Variants in MYO16 observed in about 807,000 individuals in gnomAD.
MYO16 encodes unconventional myosin-XVI.
MYO16 carries 94 observed loss-of-function variants against 205.3 expected under a neutral mutation model. The ratio of observed to expected loss-of-function variants is 0.46; its 90% CI spans 0.39 to 0.54. The LOEUF (loss-of-function observed/expected upper bound fraction) is 0.54, where lower values mean the gene tolerates loss of function less well. Ranked by LOEUF, MYO16 falls within the 20% of genes least tolerant of loss-of-function variation. MYO16 has a pLI of 0.00. For missense variants in MYO16, 2,315 were observed against 2,387.5 expected, an observed-to-expected ratio of 0.97 and a Z score of 0.63; for synonymous variants, 988 against 954.0, an observed-to-expected ratio of 1.04 and a Z score of -0.66.
chr13:108,629,939 C>G, intron 1 of MYO16, 67 bp downstream of exon 1: 1 of 1,407,676 alleles, frequency 7.1e-7, no homozygotes, highest in Non-Finnish European at 9.6e-7. Flanking sequence ...TGTGCAGATG[C>G]CAAAATTAAG....
chr13:108,575,388 T>A, the MYO16 span, among the ~76,000 whole-genome samples: 1 of 152,176 alleles, frequency 6.6e-6, no homozygotes. Context: ...GGTCTCAGTG[T>A]TGCAGACCTC....
intron 20 of MYO16, among the ~76,000 whole-genome samples, chr13:108,983,906 T>C (rs748777593): frequency 1.4e-4 from 21 of 152,186 alleles, no homozygotes; most frequent in Non-Finnish European, 3.1e-4. Flanking sequence ...CCCAACTACC[T>C]ATAGCACTCC....
At chr13:108,591,873 G>C (rs539964128), upstream of MYO16, among the ~76,000 whole-genome samples, 208 of 152,174 alleles carry the variant, frequency 1.4e-3, no homozygotes, top group Non-Finnish European at 2.3e-3. Flanking sequence ...AGAAAAGAAA[G>C]AGCTTACCCT....
intron 32 of MYO16, among the ~76,000 whole-genome samples, chr13:109,160,468 G>A (rs370467376): frequency 5.9e-5 from 9 of 152,216 alleles, no homozygotes; most frequent in African/African-American, 2.2e-4. Context: ...CACCGAGCCC[G>A]AGGTCACAGA....
At chr13:108,759,632 T>C (rs936867030) in intron 4 of MYO16, among the ~76,000 whole-genome samples, 3 of 151,952 alleles carry the variant, frequency 2.0e-5, no homozygotes, top group South Asian at 2.1e-4. Context: ...CCATCCTGGC[T>C]AACACGGTGA....
intron 15 of MYO16, among the ~76,000 whole-genome samples, chr13:108,898,361 T>A (rs1057424456): frequency 6.7e-6 from 1 of 150,260 alleles, no homozygotes; most frequent in Non-Finnish European, 1.5e-5. Context: ...AGTGTGTGTG[T>A]GTGTGTGTGT....
At chr13:108,808,919 C>T (rs980443650) in intron 7 of MYO16, among the ~76,000 whole-genome samples, 1 of 152,154 alleles carries the variant, frequency 6.6e-6, no homozygotes, top group African/African-American at 2.4e-5. Context: ...AATCCTGTCC[C>T]TCAAAAGTCA....
chr13:108,619,853 C>T (rs769260502), intron 1 of MYO16, among the ~76,000 whole-genome samples: 17 of 152,082 alleles, frequency 1.1e-4, no homozygotes, highest in Middle Eastern at 3.4e-3. Flanking sequence ...AGGCAAGGGA[C>T]GATGCGCGGT....
chr13:108,523,711 G>A, the MYO16 span, among the ~76,000 whole-genome samples: 21 of 152,302 alleles, frequency 1.4e-4, no homozygotes, highest in African/African-American at 4.8e-4. Context: ...CCACATGCAT[G>A]AACCCTACAA....
intron 32 of MYO16, among the ~76,000 whole-genome samples, chr13:109,161,782 C>A (rs1411777225): frequency 6.6e-6 from 1 of 152,050 alleles, no homozygotes; most frequent in Non-Finnish European, 1.5e-5. Context: ...TTCAGCCTAA[C>A]CTGTGTGACC....
At chr13:109,076,979 A>G (rs1262397113) in intron 27 of MYO16, among the ~76,000 whole-genome samples, 1 of 145,532 alleles carries the variant, frequency 6.9e-6, no homozygotes, top group Non-Finnish European at 1.5e-5. Flanking sequence ...AGCTCAATTT[A>G]TTTATTTGTT....
At chr13:108,604,886 A>G (rs1453060224) in intron 1 of MYO16, among the ~76,000 whole-genome samples, 1 of 152,172 alleles carries the variant, frequency 6.6e-6, no homozygotes, top group Admixed American at 6.6e-5. Context: ...CATATTATTG[A>G]GTAAATGGCT....
chr13:109,023,544 G>A (rs1566467961), intron 23 of MYO16, among the ~76,000 whole-genome samples: 1 of 116,754 alleles, frequency 8.6e-6, no homozygotes, highest in African/African-American at 3.4e-5. Flanking sequence ...CAATATATAG[G>A]TATATATTTA....
chr13:108,665,145 G>A (rs1398382934), intron 1 of MYO16, among the ~76,000 whole-genome samples: 2 of 152,146 alleles, frequency 1.3e-5, no homozygotes, highest in East Asian at 3.9e-4. Context: ...GAGTGCAGTG[G>A]TGCAATCCTA....
the MYO16 span, among the ~76,000 whole-genome samples, chr13:108,501,022 C>G: frequency 6.6e-6 from 1 of 152,156 alleles, no homozygotes. Context: ...CCCCTGTACA[C>G]TGGGCATGAG....
intron 23 of MYO16, among the ~76,000 whole-genome samples, chr13:109,034,924 A>G (rs757862361): frequency 6.6e-6 from 1 of 152,300 alleles, no homozygotes; most frequent in South Asian, 2.1e-4. Flanking sequence ...AATTAAATAG[A>G]TAAGAAACTG....
intron 4 of MYO16, among the ~76,000 whole-genome samples, chr13:108,731,265 T>G (rs527882479): frequency 2.6e-5 from 4 of 152,350 alleles, no homozygotes; most frequent in African/African-American, 9.6e-5. Context: ...AGATGCTTAG[T>G]GTATGCTTGA....
rs1321298594 is a variant in MYO16, at chr13:108,931,903, C to A, written c.1925+21753C>A. ...TTGGCCATGATCCTTGTGAATGTTC[C>A]CCCTTCTTCATTTTTTTCTTCCTTT... On this transcript the variant is annotated intron_variant, in intron 16 of 34. Transcript: ENST00000457511. 5.3e-5 allele frequency among the ~76,000 whole-genome samples: 8 copies of A among 152,002 alleles called. No homozygotes were observed. In the South Asian group the frequency reaches 1.7e-3, roughly 32 times the overall value.
At chr13:108,720,536 ACTT>A (rs1884123467) in intron 3 of MYO16, among the ~76,000 whole-genome samples, 2 of 152,286 alleles carry the variant, frequency 1.3e-5, no homozygotes, top group East Asian at 1.9e-4. Flanking sequence ...ACCTCACGTC[ACTT>A]CTTCTTCCCC....
Sources: gnomAD v4.1 joint callset for allele counts (sites outside exome capture counted in the v4.1 genomes callset) on GRCh38, gnomAD v4.1.1 for gene constraint, MANE v1.5 for transcripts, NCBI Gene and HGNC (gene_info 2026-07-23, HGNC 2026-07-21) for gene names.